Variants in ACOT7 observed in about 807,000 individuals in gnomAD.
ACOT7 encodes the protein cytosolic acyl coenzyme A thioester hydrolase.
ACOT7 carries 12 observed loss-of-function variants against 40.2 expected under a neutral mutation model. The observed-to-expected ratio is 0.30, with a 90% confidence interval of 0.19 to 0.48. The LOEUF (loss-of-function observed/expected upper bound fraction) is 0.48, where lower values mean the gene tolerates loss of function less well. Among genes scored for constraint, ACOT7 ranks in the 20% least tolerant of loss-of-function variants. The probability of loss-of-function intolerance (pLI) is 0.99; values close to 1 mark genes in which losing one functional copy is unlikely to be tolerated. For synonymous variants in ACOT7, 228 were observed against 219.5 expected (o/e 1.04, Z -0.34); for missense variants, 395 against 530.8 (o/e 0.74, Z 2.51).
At chr1:6,270,023 C>T (rs1022903781) in intron 8 of ACOT7, among the ~76,000 whole-genome samples, 22 of 152,234 alleles carry the variant, frequency 1.4e-4, no homozygotes, top group Non-Finnish European at 7.3e-5. Context: ...GGAGGTGGAA[C>T]AAAGGGCCGC....
Position 6,315,720 on chromosome 1 carries a change from C to T in ACOT7, c.712+2772G>A, listed in dbSNP as rs1263691388. ...GAGCCGAGATCACGCCACTACACTC[C>T]AGCCTGGGTGGGCGACAGAGTGAGA... On this transcript the variant is annotated intron_variant, in intron 6 of 8. Coordinates refer to ENST00000361521, the MANE Select transcript of ACOT7 (RefSeq NM_007274.4). 4.9e-5 allele frequency among the ~76,000 whole-genome samples: 7 copies of T among 142,304 alleles called. No homozygotes were observed. The Admixed American group carries it at 5.1e-4, about 10-fold the overall frequency. 93.4% of individuals were successfully genotyped at this position (142,304 alleles called of 152,430 possible). A position where few individuals can be genotyped will look rare whatever the true frequency, so the allele number is the denominator to read the frequency against.
Position 6,306,935 on chromosome 1 carries a change from A to G in ACOT7, c.712+11557T>C. The G allele has an allele frequency of 7.8e-7, 1 of 1,288,376 alleles. No individual in the cohort carries two copies. The highest frequency in any genetic ancestry group is 1.0e-6 in the Non-Finnish European group (1 of 988,068). The allele number at this position is 1,288,376 out of a possible 1,614,324, so 79.8% of individuals were successfully genotyped here. A position where few individuals can be genotyped will look rare whatever the true frequency, so the allele number is the denominator to read the frequency against. On this transcript the variant is annotated intron_variant, in intron 6 of 8. Coordinates refer to ENST00000361521, the MANE Select transcript of ACOT7 (RefSeq NM_007274.4). The surrounding 1 kb of genome is among the most constrained non-coding windows in gnomAD (Gnocchi z 4.3). ...CAACTGCCCCAAGAAGACCAAGTGA[A>G]CAAGAGCGTCTTGGTGGAGGCCTCA...
At position 6,278,289 on chromosome 1, in the gene ACOT7, G is replaced by A. The variant is rs962380306; in HGVS notation, c.1014+2813C>T. Among the ~76,000 whole-genome samples, 4 of 152,182 alleles carry A rather than the reference G, an allele frequency of 2.6e-5. No individual in the cohort carries two copies. The highest frequency in any genetic ancestry group is 5.9e-5 in the Non-Finnish European group (4 of 68,034). On this transcript the variant is annotated intron_variant, in intron 8 of 8. Transcript: ENST00000361521. The surrounding 1 kb of genome is among the most constrained non-coding windows in gnomAD (Gnocchi z 4.1). Reference sequence around the variant, plus strand: ...ACACCCAGGGCATGGAGGAGCCACCGTGCATTTCGGTGGGAGAGGGAGCAA... The same window carrying A: ...ACACCCAGGGCATGGAGGAGCCACCATGCATTTCGGTGGGAGAGGGAGCAA...
rs78534689 is a variant in ACOT7, at chr1:6,368,493, C to T, written c.144-18627G>A. Among the ~76,000 whole-genome samples the T allele has an allele frequency of 9.0e-3, 1,369 of 152,346 alleles. 13 individuals are homozygous for T. The highest frequency in any genetic ancestry group is 0.013 in the Non-Finnish European group (907 of 68,022). ...TGCAGCATCACCCCAGGCCCAGCTC[C>T]ACCTTGGGGCCCCTCTCTGCCCGCA... On this transcript the variant is annotated intron_variant, in intron 1 of 8. Coordinates refer to ENST00000361521, the MANE Select transcript of ACOT7 (RefSeq NM_007274.4).
In ACOT7 at chr1:6,358,724, G is replaced by A. The variant is rs1393060825; in HGVS notation, c.144-8858C>T. 4.9e-6 allele frequency: 6 copies of A among 1,236,672 alleles called. No individual in the cohort carries two copies. The highest frequency in any genetic ancestry group is 7.0e-6 in the Non-Finnish European group (6 of 855,694). 76.6% of individuals were successfully genotyped at this position (1,236,672 alleles called of 1,614,324 possible). ...GACACCAGCCAGCCTGCTGGGCACA[G>A]GGGCCGAGTCCCCTCTACCCACCCT... On this transcript the variant is annotated intron_variant, in intron 1 of 8. Coordinates refer to ENST00000361521, the MANE Select transcript of ACOT7 (RefSeq NM_007274.4). The surrounding 1 kb of genome is among the most constrained non-coding windows in gnomAD (Gnocchi z 4.1).
intron 5 of ACOT7, among the ~76,000 whole-genome samples, chr1:6,320,941 C>T (rs1292120698): frequency 6.6e-6 from 1 of 152,244 alleles, no homozygotes; most frequent in Admixed American, 6.5e-5. Context: ...GTTACCTACA[C>T]TTGCACCCTT....
chr1:6,332,519 T>C (rs1354221157), intron 4 of ACOT7, among the ~76,000 whole-genome samples: 1 of 152,116 alleles, frequency 6.6e-6, no homozygotes, highest in East Asian at 1.9e-4. Flanking sequence ...GAACTGGTAT[T>C]ATGAAAGGTG....
intron 7 of ACOT7, among the ~76,000 whole-genome samples, chr1:6,284,599 A>T (rs998366977): frequency 6.6e-6 from 1 of 150,890 alleles, no homozygotes; most frequent in African/African-American, 2.4e-5. Context: ...AAAAAAAAAA[A>T]GAATTCCAGC....
chr1:6,293,262 T>C (rs1571277915), intron 7 of ACOT7, among the ~76,000 whole-genome samples: 2 of 152,326 alleles, frequency 1.3e-5, no homozygotes, highest in South Asian at 2.1e-4. Flanking sequence ...TCCTATGGAA[T>C]GCACGTTTCC....
At chr1:6,334,720 G>A (rs944668158) in intron 3 of ACOT7, among the ~76,000 whole-genome samples, 7 of 152,206 alleles carry the variant, frequency 4.6e-5, no homozygotes, top group South Asian at 2.1e-4. Flanking sequence ...ACAGAGGCTC[G>A]TGGCCTGCTG....
intron 2 of ACOT7, among the ~76,000 whole-genome samples, chr1:6,344,088 G>A (rs902645953): frequency 7.9e-5 from 12 of 152,216 alleles, no homozygotes; most frequent in Admixed American, 2.6e-4. Context: ...TAGGGGGAGC[G>A]TTGGTACCAC....
In ACOT7 at chr1:6,281,076, C is replaced by T. The variant is rs373086479; in HGVS notation, c.1014+26G>A. 2.3e-4 allele frequency: 368 copies of T among 1,605,410 alleles called. 1 individual carries two copies. The highest frequency in any genetic ancestry group is 2.9e-4 in the Non-Finnish European group (336 of 1,178,156). On this transcript the variant is annotated intron_variant, in intron 8 of 8. Coordinates refer to ENST00000361521, the MANE Select transcript of ACOT7 (RefSeq NM_007274.4). Reference sequence around the variant, plus strand: ...CCTAGGGCTGCCTGGCAGGGAGGGGCCGCCGTTCCAAGGATGCGCACTCAC... The same window carrying T: ...CCTAGGGCTGCCTGGCAGGGAGGGGTCGCCGTTCCAAGGATGCGCACTCAC...
In ACOT7 at chr1:6,301,569, C is replaced by T. The variant is rs1435875526; in HGVS notation, c.713-6589G>A. ...GGACCTGCCTCGTTGTCCCTGTGTC[C>T]CTGACCCAACACAGAGCTGGCATCT... On this transcript the variant is annotated intron_variant, in intron 6 of 8. Coordinates refer to ENST00000361521, the MANE Select transcript of ACOT7 (RefSeq NM_007274.4). This position sits in a 1 kb window ranked among gnomAD's most constrained non-coding sequence, Gnocchi z 4.1. Among the ~76,000 whole-genome samples the T allele has an allele frequency of 6.6e-6, 1 of 152,170 alleles. No individual in the cohort carries two copies. Among genetic ancestry groups the T allele is most frequent in the Non-Finnish European group, 1.5e-5 (1 of 68,034 alleles).
intron 1 of ACOT7, among the ~76,000 whole-genome samples, chr1:6,365,661 G>A (rs901647951): frequency 2.6e-5 from 4 of 151,420 alleles, no homozygotes; most frequent in East Asian, 2.0e-4. Context: ...CCAGCTACTC[G>A]GGAGGCTGAG....
chr1:6,306,250 T>C lies in ACOT7; in HGVS notation c.713-11270A>G. The C allele has an allele frequency of 2.0e-6, 2 of 984,134 alleles. No individual in the cohort carries two copies. Among genetic ancestry groups the C allele is most frequent in the Non-Finnish European group, 2.4e-6 (2 of 829,578 alleles). 61.0% of individuals were successfully genotyped at this position (984,134 alleles called of 1,614,324 possible). A position where few individuals can be genotyped will look rare whatever the true frequency, so the allele number is the denominator to read the frequency against. ...GGAGAGGGAGAGGACGTTCTTACGG[T>C]TCATGGCAAGACCTCAACCAAATAC... is the stretch of plus-strand genomic sequence containing the variant. On this transcript the variant is annotated intron_variant, in intron 6 of 8. Coordinates refer to ENST00000361521, the MANE Select transcript of ACOT7 (RefSeq NM_007274.4). This position sits in a 1 kb window ranked among gnomAD's most constrained non-coding sequence, Gnocchi z 4.3.
chr1:6,343,607 C>T (rs1249087066), intron 2 of ACOT7, among the ~76,000 whole-genome samples: 4 of 152,264 alleles, frequency 2.6e-5, no homozygotes, highest in Admixed American at 6.5e-5. Flanking sequence ...GTGGCTATGG[C>T]GCCACCCATT....
chr1:6,393,107 G>T, intron 1 of ACOT7, 150 bp downstream of exon 1: 1 of 890,246 alleles, frequency 1.1e-6, no homozygotes, highest in Non-Finnish European at 1.4e-6. Flanking sequence ...GGCCGGGCGG[G>T]CGTCCGGGGC....
At position 6,355,376 on chromosome 1, in the gene ACOT7, AT is replaced by A. The variant is rs1255732955; in HGVS notation, c.144-5511del. Among the ~76,000 whole-genome samples the A allele has an allele frequency of 2.0e-5, 3 of 152,202 alleles. No homozygotes were observed. The highest frequency in any genetic ancestry group is 4.4e-5 in the Non-Finnish European group (3 of 68,044). Reference sequence around the variant, plus strand: ...TGCACAGCCGTGTATAACGCAGGACATGGGCCAGCGCCGAGATGTCCACATA... The same window carrying A: ...TGCACAGCCGTGTATAACGCAGGACAGGGCCAGCGCCGAGATGTCCACATA... On this transcript the variant is annotated intron_variant, in intron 1 of 8. Transcript: ENST00000361521. The surrounding 1 kb of genome is among the most constrained non-coding windows in gnomAD (Gnocchi z 5.0).
chr1:6,364,233 C>T (rs937797912), intron 1 of ACOT7, among the ~76,000 whole-genome samples: 2 of 152,050 alleles, frequency 1.3e-5, no homozygotes, highest in African/African-American at 2.4e-5. Flanking sequence ...TAGGAAAATA[C>T]AAAAGTAACA....
Sources: gnomAD v4.1 joint callset for allele counts (sites outside exome capture counted in the v4.1 genomes callset) on GRCh38, gnomAD v4.1.1 for gene constraint, Gnocchi (gnomAD v3.1) non-coding constraint, MANE v1.5 for transcripts, NCBI Gene and HGNC (gene_info 2026-07-23, HGNC 2026-07-21) for gene names.